Variants in STRN3 observed in about 807,000 individuals in gnomAD.
The protein encoded by STRN3 is striatin-3.
In STRN3, 29 loss-of-function variants were observed where a neutral mutation model predicts 95.6. The ratio of observed to expected loss-of-function variants is 0.30; its 90% CI spans 0.23 to 0.41. The LOEUF (loss-of-function observed/expected upper bound fraction) is 0.41, where lower values mean the gene tolerates loss of function less well. Among genes scored for constraint, STRN3 ranks in the 10% least tolerant of loss-of-function variants. STRN3 has a pLI of 1.00. For missense variants in STRN3, 890 were observed against 972.1 expected, an observed-to-expected ratio of 0.92 and a Z score of 1.12; for synonymous variants, 331 against 357.6, an observed-to-expected ratio of 0.93 and a Z score of 0.84.
rs1002060304 is a variant in STRN3, at chr14:30,932,027, G to A, written c.989-2716C>T. 2.6e-5 allele frequency: 4 copies of A among 152,226 alleles called. No homozygotes were observed. In the East Asian group the frequency reaches 7.7e-4, roughly 29 times the overall value. The allele number at this position is 152,226 out of a possible 1,614,324, so 9.4% of individuals were successfully genotyped here. ...CACACCTGTAATCCCAGCACTTTGG[G>A]AGGCCGTGGCGGGTGGATCACCTGA... On this transcript the variant is annotated intron_variant, in intron 7 of 17. Transcript: ENST00000357479.
At chr14:31,001,108 A>G (rs1882430352) in intron 1 of STRN3, among the ~76,000 whole-genome samples, 4 of 152,230 alleles carry the variant, frequency 2.6e-5, no homozygotes, top group Admixed American at 2.0e-4. Context: ...ATTGGTATCT[A>G]AGTCAGATTA....
chr14:30,978,415 C>T (rs1005036452), intron 1 of STRN3, among the ~76,000 whole-genome samples: 1 of 152,122 alleles, frequency 6.6e-6, no homozygotes, highest in Non-Finnish European at 1.5e-5. Flanking sequence ...AAATCTTATA[C>T]CCATTCATGA....
chr14:30,916,377 C>T (rs1896739864), intron 9 of STRN3, among the ~76,000 whole-genome samples: 1 of 151,448 alleles, frequency 6.6e-6, no homozygotes, highest in Admixed American at 6.6e-5. Context: ...CAGGTTCACG[C>T]CATTCTCCTG....
chr14:30,921,769 T>C (rs746571748), intron 8 of STRN3, among the ~76,000 whole-genome samples: 14 of 152,336 alleles, frequency 9.2e-5, no homozygotes, highest in Admixed American at 3.9e-4. Context: ...TAAAGGCATA[T>C]TGAAGGCCCA....
intron 1 of STRN3, among the ~76,000 whole-genome samples, chr14:31,010,185 A>C (rs541714836): frequency 6.6e-6 from 1 of 152,316 alleles, no homozygotes; most frequent in East Asian, 1.9e-4. Context: ...CTAGTCTATA[A>C]ATTCATTAAA....
At chr14:31,017,833 T>G (rs1368193160) in intron 1 of STRN3, among the ~76,000 whole-genome samples, 3 of 152,022 alleles carry the variant, frequency 2.0e-5, no homozygotes, top group Non-Finnish European at 4.4e-5. Context: ...TCCCAGCACT[T>G]TGGGAGGCCA....
chr14:30,938,755 A>G (rs117751421), intron 5 of STRN3, among the ~76,000 whole-genome samples: 374 of 152,334 alleles, frequency 2.5e-3, no homozygotes, highest in Middle Eastern at 6.8e-3. Flanking sequence ...GGGTATATAA[A>G]GAACACTTAA....
chr14:30,936,645 TAAATCCA>T (rs1241794103), intron 5 of STRN3, 21 bp from the exon 6 acceptor site: 1 of 1,593,934 alleles, frequency 6.3e-7, no homozygotes, highest in African/African-American at 1.4e-5. Context: ...GAAAAAAAGA[TAAATCCA>T]ACTATTCCAA....
intron 9 of STRN3, among the ~76,000 whole-genome samples, chr14:30,918,406 G>A (rs1211607513): frequency 2.0e-5 from 3 of 151,982 alleles, no homozygotes; most frequent in African/African-American, 7.3e-5. Context: ...CTACTTGGGA[G>A]GCTGAGGCAG....
At chr14:30,996,630 G>A (rs958815894) in intron 1 of STRN3, among the ~76,000 whole-genome samples, 5 of 152,156 alleles carry the variant, frequency 3.3e-5, no homozygotes, top group Non-Finnish European at 7.3e-5. Flanking sequence ...CACTTTGGGA[G>A]GCCAAGGCGG....
intron 3 of STRN3, among the ~76,000 whole-genome samples, chr14:30,951,263 T>A (rs1309035694): frequency 6.6e-6 from 1 of 151,906 alleles, no homozygotes; most frequent in East Asian, 1.9e-4. Context: ...TGAGACAGGG[T>A]CTCATTCTGT....
intron 1 of STRN3, among the ~76,000 whole-genome samples, chr14:30,973,028 G>C (rs1880910825): frequency 6.6e-6 from 1 of 152,190 alleles, no homozygotes; most frequent in South Asian, 2.1e-4. Flanking sequence ...CGCCAACATG[G>C]TGAAATCCTA....
rs74040966 is a variant in STRN3, at chr14:30,944,000, G to C, written c.716+3090C>G. ...TACTGCACACTTTAAAGTTTGTTGA[G>C]AGGGCAGATCCCATGTTGTATTTAA... On this transcript the variant is annotated intron_variant, in intron 5 of 17. Transcript: ENST00000357479. Among the ~76,000 whole-genome samples, 576 of 152,180 alleles carry C rather than the reference G, an allele frequency of 3.8e-3. 2 individuals carry two copies. Among genetic ancestry groups the C allele is most frequent in the African/African-American group, 0.013 (541 of 41,512 alleles).
chr14:31,010,569 AT>A (rs1419216726), intron 1 of STRN3, among the ~76,000 whole-genome samples: 1 of 152,070 alleles, frequency 6.6e-6, no homozygotes, highest in Non-Finnish European at 1.5e-5. Context: ...GTATTTAAAA[AT>A]ATCTGAACTT....
intron 1 of STRN3, among the ~76,000 whole-genome samples, chr14:31,019,882 TTTTC>T (rs958106167): frequency 1.1e-4 from 9 of 85,006 alleles, no homozygotes; most frequent in African/African-American, 3.4e-4. Flanking sequence ...AGTTCACTCA[TTTTC>T]TTTTTTTTTT....
intron 1 of STRN3, among the ~76,000 whole-genome samples, chr14:31,017,679 A>T (rs1883307468): frequency 6.6e-6 from 1 of 152,160 alleles, no homozygotes; most frequent in Non-Finnish European, 1.5e-5. Flanking sequence ...TGGAAAAGGC[A>T]AAACTTTGGG....
intron 1 of STRN3, among the ~76,000 whole-genome samples, chr14:30,985,044 C>T (rs976965123): frequency 7.9e-5 from 12 of 151,978 alleles, no homozygotes; most frequent in Non-Finnish European, 1.2e-4. Context: ...TGGCCGGACG[C>T]GGTGGTTCAC....
At chr14:30,941,499 T>G (rs528568027) in intron 5 of STRN3, among the ~76,000 whole-genome samples, 2 of 152,192 alleles carry the variant, frequency 1.3e-5, no homozygotes. Flanking sequence ...CATCTTTCAG[T>G]TGTTTTATTT....
In STRN3 at chr14:30,936,705, A is replaced by G. The variant is rs113669157; in HGVS notation, c.717-81T>C. Reference sequence around the variant, plus strand: ...TCTTTCTGGTTCCCATTTTAAATCAATTCTTAAAACTAGAGAGATTCGAAT... The same window carrying G: ...TCTTTCTGGTTCCCATTTTAAATCAGTTCTTAAAACTAGAGAGATTCGAAT... On this transcript the variant is annotated intron_variant, in intron 5 of 17. Transcript: ENST00000357479. 16 of 1,504,334 alleles carry G rather than the reference A, an allele frequency of 1.1e-5. No homozygotes were observed. The East Asian group carries it at 1.9e-4, about 17-fold the overall frequency. The allele number at this position is 1,504,334 out of a possible 1,614,324, so 93.2% of individuals were successfully genotyped here.
Sources: allele counts gnomAD v4.1 joint callset (sites outside exome capture counted in the v4.1 genomes callset), GRCh38; gene constraint gnomAD v4.1.1; transcripts MANE v1.5; gene names NCBI Gene and HGNC (gene_info 2026-07-23, HGNC 2026-07-21).